The following SUSD4 variants were observed in gnomAD, a reference collection of about 807,000 sequenced individuals.
SUSD4 encodes the protein sushi domain-containing protein 4.
In SUSD4, 41 loss-of-function variants were observed where a neutral mutation model predicts 50.5. The observed-to-expected ratio is 0.81, with a 90% CI of 0.63 to 1.05. The LOEUF is 1.05. SUSD4 is among the 50% of genes least tolerant of loss of function. SUSD4 has a pLI of 0.00. For missense variants in SUSD4, 580 were observed against 634.7 expected (o/e 0.91, Z 0.93); for synonymous variants, 257 against 257.3 (o/e 1.00, Z 0.01).
chr1:223,224,852 TG>T lies in SUSD4; in HGVS notation c.1062-1222del, dbSNP rs1558160201. Among the ~76,000 whole-genome samples the T allele has an allele frequency of 1.7e-3, 244 of 146,586 alleles. 1 individual carries two copies. The highest frequency in any genetic ancestry group is 5.7e-3 in the African/African-American group (224 of 39,106). Reference sequence around the variant, plus strand: ...TGGCTAATAAGTAGCCAATAGAACTTGGTTTCTTCCTTTTTTTTTTTTTTTT... The same window carrying T: ...TGGCTAATAAGTAGCCAATAGAACTTGTTTCTTCCTTTTTTTTTTTTTTTT... On this transcript the variant is annotated intron_variant, in intron 7 of 8. Coordinates refer to ENST00000366878, the MANE Select transcript of SUSD4 (RefSeq NM_017982.4).
At chr1:223,360,262 G>A (rs988693759) in intron 2 of SUSD4, 4 of 470,364 alleles carry the variant, frequency 8.5e-6, no homozygotes, top group Non-Finnish European at 1.8e-5. Context: ...CTGGGGGTGG[G>A]GGGCACTCTG....
intron 5 of SUSD4, among the ~76,000 whole-genome samples, chr1:223,234,286 CTT>C: frequency 6.6e-6 from 1 of 152,292 alleles, no homozygotes; most frequent in East Asian, 1.9e-4. Flanking sequence ...AATTTAGTGT[CTT>C]TTCCTCACCC....
intron 8 of SUSD4, among the ~76,000 whole-genome samples, chr1:223,222,750 T>C (rs551132891): frequency 3.5e-4 from 54 of 152,314 alleles, no homozygotes; most frequent in African/African-American, 1.3e-3. Flanking sequence ...ATGCATCTTT[T>C]ACTTCACATC....
At chr1:223,275,397 A>G (rs1283105207) in intron 3 of SUSD4, among the ~76,000 whole-genome samples, 1 of 152,222 alleles carries the variant, frequency 6.6e-6, no homozygotes, top group African/African-American at 2.4e-5. Flanking sequence ...AAGAAACTTT[A>G]AGGTCACTTT....
intron 2 of SUSD4, among the ~76,000 whole-genome samples, chr1:223,295,346 G>A (rs1664751161): frequency 6.6e-6 from 1 of 152,132 alleles, no homozygotes. Flanking sequence ...CTGAAACCTG[G>A]GTAATCTGGA....
intron 2 of SUSD4, among the ~76,000 whole-genome samples, chr1:223,353,587 C>A (rs143803641): frequency 1.3e-5 from 2 of 152,276 alleles, no homozygotes; most frequent in East Asian, 3.9e-4. Flanking sequence ...AGATCACTCT[C>A]TAACAATTGA....
chr1:223,364,147 C>T lies in SUSD4; in HGVS notation c.-126G>A, dbSNP rs1350963465. On this transcript the variant is annotated 5_prime_UTR_variant, in exon 1 of 9. Coordinates refer to ENST00000366878, the MANE Select transcript of SUSD4 (RefSeq NM_017982.4). The surrounding 1 kb of genome is among the most constrained non-coding windows in gnomAD (Gnocchi z 4.5). ...ATCTGTGCGCGACCTCTGCTGCCGC[C>T]GCTGCGCGAGCGAGCGAGACGGAAG... The T allele has an allele frequency of 6.6e-6, 1 of 152,180 alleles. No individual in the cohort carries two copies. Among genetic ancestry groups the T allele is most frequent in the Admixed American group, 6.6e-5 (1 of 15,238 alleles). 9.4% of individuals were successfully genotyped at this position (152,180 alleles called of 1,614,324 possible).
intron 4 of SUSD4, among the ~76,000 whole-genome samples, chr1:223,268,040 T>TATATATATATATATATATATATAC (rs1558197215): frequency 3.7e-5 from 3 of 81,276 alleles, no homozygotes; most frequent in Non-Finnish European, 6.3e-5. Context: ...TATATATATA[T>TATATATATATATATATATATATAC]ATACACACAC....
chr1:223,285,012 T>C (rs867028292), intron 3 of SUSD4, among the ~76,000 whole-genome samples: 1 of 152,122 alleles, frequency 6.6e-6, no homozygotes, highest in Non-Finnish European at 1.5e-5. Context: ...AAGGAAGATA[T>C]TGAATGTTCC....
rs149341374 is a variant in SUSD4 at position 223,244,129 on chromosome 1, G to A, written c.725-14741C>T. Among the ~76,000 whole-genome samples, 1,447 of 152,312 alleles carry A rather than the reference G, an allele frequency of 9.5e-3. 27 individuals are homozygous for A. The highest frequency in any genetic ancestry group is 0.032 in the African/African-American group (1,336 of 41,564). On this transcript the variant is annotated intron_variant, in intron 5 of 8. Transcript: ENST00000366878. ...GCACAATCTCACACACACAGGAGTTGGGATGGAGCTCTCGGGCACCACATC... is the reference window on the plus strand; with the variant it reads ...GCACAATCTCACACACACAGGAGTTAGGATGGAGCTCTCGGGCACCACATC...
At chr1:223,307,745 C>G (rs559211877) in intron 2 of SUSD4, among the ~76,000 whole-genome samples, 1 of 152,164 alleles carries the variant, frequency 6.6e-6, no homozygotes, top group Non-Finnish European at 1.5e-5. Context: ...GGGTTATCCA[C>G]GGTGCTGGTG....
chr1:223,271,053 T>C (rs528240528), intron 3 of SUSD4, among the ~76,000 whole-genome samples: 58 of 151,830 alleles, frequency 3.8e-4, no homozygotes, highest in Admixed American at 7.2e-4. Flanking sequence ...CTACAGAAAT[T>C]ATTCACAGCA....
chr1:223,261,038 A>G (rs532018892), intron 5 of SUSD4, among the ~76,000 whole-genome samples: 53 of 152,276 alleles, frequency 3.5e-4, no homozygotes, highest in African/African-American at 1.3e-3. Flanking sequence ...GCATTCTCCA[A>G]GGGGTCATGT....
intron 2 of SUSD4, among the ~76,000 whole-genome samples, chr1:223,299,421 A>G (rs1572008377): frequency 6.6e-6 from 1 of 152,316 alleles, no homozygotes; most frequent in East Asian, 1.9e-4. Context: ...AATGATTCCA[A>G]TATGTTTGTT....
intron 5 of SUSD4, among the ~76,000 whole-genome samples, chr1:223,245,471 A>G (rs1405015070): frequency 6.6e-6 from 1 of 152,048 alleles, no homozygotes; most frequent in East Asian, 1.9e-4. Context: ...GGCTGGAGGC[A>G]GTGAAGAGAG....
intron 2 of SUSD4, among the ~76,000 whole-genome samples, chr1:223,357,150 C>A (rs1412825651): frequency 2.0e-5 from 3 of 152,216 alleles, no homozygotes; most frequent in African/African-American, 7.2e-5. Context: ...AAAGGACTGG[C>A]ACATGGGTTT....
intron 2 of SUSD4, among the ~76,000 whole-genome samples, chr1:223,339,294 C>T (rs1477883837): frequency 6.6e-6 from 1 of 152,122 alleles, no homozygotes; most frequent in Non-Finnish European, 1.5e-5. Context: ...GTGGGTTGAA[C>T]AGTGAGTCGG....
rs1444982790 is a variant in SUSD4 at position 223,332,911 on chromosome 1, G to A, written c.148+30367C>T. On this transcript the variant is annotated intron_variant, in intron 2 of 8. Coordinates refer to ENST00000366878, the MANE Select transcript of SUSD4 (RefSeq NM_017982.4). The surrounding 1 kb of genome is among the most constrained non-coding windows in gnomAD (Gnocchi z 4.0). ...CATCTTCTACCATGTTCTTTCTGAC[G>A]GAAGAAATGGCCACCTGCTCCTGAT... Among the ~76,000 whole-genome samples, 1 of 152,002 alleles carries A rather than the reference G, an allele frequency of 6.6e-6. No individual in the cohort carries two copies. Among genetic ancestry groups the A allele is most frequent in the East Asian group, 1.9e-4 (1 of 5,188 alleles).
At chr1:223,306,797 CT>C (rs1176129558) in intron 2 of SUSD4, among the ~76,000 whole-genome samples, 1 of 151,206 alleles carries the variant, frequency 6.6e-6, no homozygotes, top group East Asian at 2.0e-4. Flanking sequence ...AATTTTTTAA[CT>C]GATTAATATG....
Sources: gnomAD v4.1 joint callset for allele counts (sites outside exome capture counted in the v4.1 genomes callset) on GRCh38, gnomAD v4.1.1 for gene constraint, Gnocchi (gnomAD v3.1) non-coding constraint, MANE v1.5 for transcripts, NCBI Gene and HGNC (gene_info 2026-07-23, HGNC 2026-07-21) for gene names.